Variants in RBFOX1 observed in about 807,000 individuals in gnomAD.
RBFOX1 encodes RNA binding fox-1 homolog 1.
RBFOX1 carries 8 observed loss-of-function variants against 57.7 expected under a neutral mutation model. The observed-to-expected ratio is 0.14, with a 90% CI of 0.08 to 0.25. RBFOX1 has a LOEUF of 0.25. RBFOX1 is among the 10% of genes least tolerant of loss of function. The pLI is 1.00. For synonymous variants in RBFOX1, 326 were observed against 222.4 expected (o/e 1.47, Z -4.15); for missense variants, 611 against 548.5 (o/e 1.11, Z -1.14).
chr16:6,933,687 C>T (rs367934605), intron 3 of RBFOX1, among the ~76,000 whole-genome samples: 9 of 152,312 alleles, frequency 5.9e-5, no homozygotes, highest in East Asian at 5.8e-4. Context: ...CACACTCCAG[C>T]CTGGGGGACA....
chr16:7,217,701 C>T (rs188061774), intron 4 of RBFOX1, among the ~76,000 whole-genome samples: 1 of 152,230 alleles, frequency 6.6e-6, no homozygotes. Flanking sequence ...GGTGAAGAGT[C>T]ACCATTCAAT....
In RBFOX1 at chr16:5,709,831, AT is replaced by A. The variant is rs1759573509; in HGVS notation, c.318+110871del. On this transcript the variant is annotated intron_variant, in intron 3 of 19. Transcript: ENST00000641259. Reference sequence around the variant, plus strand: ...TCTTTATATATATATATATATATATATATATATATATATTTTTTTTTTTTTT... The same window carrying A: ...TCTTTATATATATATATATATATATAATATATATATATTTTTTTTTTTTTT... Among the ~76,000 whole-genome samples, 8 of 7,220 alleles carry A rather than the reference AT, an allele frequency of 1.1e-3. 1 individual carries two copies. The Admixed American group carries it at 0.013, about 12-fold the overall frequency. The allele number at this position is 7,220 out of a possible 152,430, so 4.7% of individuals were successfully genotyped here. A position where few individuals can be genotyped will look rare whatever the true frequency, so the allele number is the denominator to read the frequency against.
intron 3 of RBFOX1, among the ~76,000 whole-genome samples, chr16:6,958,987 G>C (rs1402905308): frequency 6.6e-6 from 1 of 152,090 alleles, no homozygotes; most frequent in Non-Finnish European, 1.5e-5. Flanking sequence ...ATAAGATTTT[G>C]AATTAATTAT....
intron 2 of RBFOX1, among the ~76,000 whole-genome samples, chr16:6,606,115 GA>G (rs71145258): frequency 0.088 from 13,209 of 150,476 alleles, 640 homozygotes; most frequent in African/African-American, 0.1. Context: ...TCTCAAAAAA[GA>G]AAAAAAAAGA....
intron 4 of RBFOX1, among the ~76,000 whole-genome samples, chr16:7,224,892 T>A (rs2092994659): frequency 6.6e-6 from 1 of 152,144 alleles, no homozygotes; most frequent in Admixed American, 6.5e-5. Flanking sequence ...TCCAGGTGAT[T>A]TCATGTACTT....
intron 4 of RBFOX1, among the ~76,000 whole-genome samples, chr16:7,435,455 T>C (rs534588311): frequency 2.0e-5 from 3 of 152,272 alleles, no homozygotes; most frequent in African/African-American, 7.2e-5. Flanking sequence ...CCTGTCTCAT[T>C]TTTCCTCTCT....
chr16:5,469,568 T>C (rs1021498248), intron 2 of RBFOX1, among the ~76,000 whole-genome samples: 2 of 152,182 alleles, frequency 1.3e-5, no homozygotes, highest in South Asian at 4.1e-4. Flanking sequence ...GTGGGTTTTA[T>C]TGCATTCACA....
intron 3 of RBFOX1, among the ~76,000 whole-genome samples, chr16:5,734,965 C>T (rs1276562062): frequency 2.0e-5 from 3 of 152,038 alleles, no homozygotes; most frequent in Admixed American, 6.6e-5. Context: ...AAAGTTGGCT[C>T]ACACAAACTG....
chr16:7,154,639 G>T (rs560221877), intron 4 of RBFOX1, among the ~76,000 whole-genome samples: 1 of 151,768 alleles, frequency 6.6e-6, no homozygotes, highest in Non-Finnish European at 1.5e-5. Flanking sequence ...AAATGTGATT[G>T]GAGAGGCATA....
rs116409653 is a variant in RBFOX1 at position 6,907,882 on chromosome 16, T to C, written c.-15-144175T>C. Among the ~76,000 whole-genome samples the C allele has an allele frequency of 6.1e-3, 922 of 151,744 alleles. 19 individuals carry two copies. Among genetic ancestry groups the C allele is most frequent in the African/African-American group, 0.021 (873 of 41,506 alleles). ...AGCCCCCATGCCCGGCCAGCTTCTGTGGTTGGCTGGCAGTCATGGGTGCTC... is the reference window on the plus strand; with the variant it reads ...AGCCCCCATGCCCGGCCAGCTTCTGCGGTTGGCTGGCAGTCATGGGTGCTC... On this transcript the variant is annotated intron_variant, in intron 3 of 15. Coordinates refer to ENST00000550418, the MANE Select transcript of RBFOX1 (RefSeq NM_018723.4).
At chr16:7,196,772 G>A (rs1285951550) in intron 4 of RBFOX1, among the ~76,000 whole-genome samples, 1 of 152,112 alleles carries the variant, frequency 6.6e-6, no homozygotes, top group South Asian at 2.1e-4. Flanking sequence ...GCCTGGGCAG[G>A]CTTTTGAGGA....
rs575943666 is a variant in RBFOX1 at position 5,521,516 on chromosome 16, AT to A, written c.258+54263del. On this transcript the variant is annotated intron_variant, in intron 2 of 2. Transcript: ENST00000585867. ...TTGACCCGAACCTGTCAACGAACCT[AT>A]CTGTAAACTATTGCCTTGGTCAGTG... is the stretch of plus-strand genomic sequence containing the variant. Among the ~76,000 whole-genome samples the A allele has an allele frequency of 6.8e-3, 298 of 44,034 alleles. 1 individual carries two copies. Among genetic ancestry groups the A allele is most frequent in the African/African-American group, 0.019 (289 of 15,612 alleles). 28.9% of individuals were successfully genotyped at this position (44,034 alleles called of 152,430 possible).
chr16:7,241,178 A>C (rs551593861), intron 4 of RBFOX1, among the ~76,000 whole-genome samples: 1 of 152,328 alleles, frequency 6.6e-6, no homozygotes, highest in African/African-American at 2.4e-5. Context: ...AGGATTGATT[A>C]TTCATAACCC....
At chr16:5,254,908 G>A (rs554988143) in intron 1 of RBFOX1, among the ~76,000 whole-genome samples, 107 of 152,310 alleles carry the variant, frequency 7.0e-4, no homozygotes, top group African/African-American at 2.4e-3. Context: ...TGAACTGCAA[G>A]TATTTGATAA....
intron 3 of RBFOX1, among the ~76,000 whole-genome samples, chr16:5,777,914 G>A (rs942874914): frequency 6.6e-6 from 1 of 152,138 alleles, no homozygotes; most frequent in African/African-American, 2.4e-5. Flanking sequence ...TTTTTCAAGG[G>A]CTTGCTTTTA....
intron 3 of RBFOX1, among the ~76,000 whole-genome samples, chr16:5,706,299 A>G (rs1349877816): frequency 6.6e-6 from 1 of 152,208 alleles, no homozygotes; most frequent in African/African-American, 2.4e-5. Context: ...CAGTTTAAAC[A>G]TGTTTCCTGA....
intron 1 of RBFOX1, among the ~76,000 whole-genome samples, chr16:5,245,565 C>T (rs1408515847): frequency 5.9e-5 from 9 of 152,174 alleles, no homozygotes; most frequent in Non-Finnish European, 1.3e-4. Flanking sequence ...CTGCCTCAGC[C>T]TCCCAAGTAG....
At chr16:6,998,092 A>G (rs547682660) in intron 3 of RBFOX1, among the ~76,000 whole-genome samples, 1 of 152,142 alleles carries the variant, frequency 6.6e-6, no homozygotes, top group Non-Finnish European at 1.5e-5. Flanking sequence ...ATATATGTAC[A>G]TTATATTTAG....
intron 3 of RBFOX1, among the ~76,000 whole-genome samples, chr16:6,729,635 A>G (rs2068044990): frequency 1.3e-5 from 2 of 152,144 alleles, no homozygotes; most frequent in South Asian, 4.1e-4. Context: ...TGTAGAAAGT[A>G]CCTCATTCTC....
Sources: allele counts gnomAD v4.1 joint callset (sites outside exome capture counted in the v4.1 genomes callset), GRCh38; gene constraint gnomAD v4.1.1; transcripts MANE v1.5; gene names NCBI Gene and HGNC (gene_info 2026-07-23, HGNC 2026-07-21).